SIPA1L1: variants seen among roughly 807,000 people sequenced by gnomAD.
SIPA1L1 encodes signal induced proliferation associated 1 like 1.
A neutral mutation model predicts 162.7 loss-of-function variants in SIPA1L1; 26 were observed. The observed-to-expected ratio is 0.16, with a 90% CI of 0.12 to 0.22. The LOEUF (loss-of-function observed/expected upper bound fraction) is 0.22, where lower values mean the gene tolerates loss of function less well. Ranked by LOEUF, SIPA1L1 falls within the 10% of genes least tolerant of loss-of-function variation. SIPA1L1 has a pLI of 1.00. For missense variants in SIPA1L1, 1,874 were observed against 2,241.0 expected, an observed-to-expected ratio of 0.84 and a Z score of 3.31; for synonymous variants, 829 against 837.4, an observed-to-expected ratio of 0.99 and a Z score of 0.17.
chr14:71,542,935 A>G (rs1555453631), intron 4 of SIPA1L1, among the ~76,000 whole-genome samples: 2 of 151,768 alleles, frequency 1.3e-5, no homozygotes, highest in African/African-American at 2.4e-5. Flanking sequence ...CTCAACTTTT[A>G]TGAAGTCCTA....
intron 4 of SIPA1L1, chr14:71,575,187 A>G (rs1242577157): frequency 2.0e-5 from 3 of 152,174 alleles, no homozygotes; most frequent in African/African-American, 7.2e-5. Flanking sequence ...GCTCTTAATC[A>G]TCCACCCCTT....
chr14:71,431,142 A>G (rs1035359471), intron 2 of SIPA1L1, among the ~76,000 whole-genome samples: 2 of 152,304 alleles, frequency 1.3e-5, no homozygotes, highest in South Asian at 4.1e-4. Flanking sequence ...CTACTCACAG[A>G]TCCTTGTTCT....
chr14:71,320,589 T>TTCCCTCCCGCCTCTGTGGC (rs1449411922), intron 1 of SIPA1L1, 86 bp downstream of exon 1: 5 of 151,646 alleles, frequency 3.3e-5, no homozygotes, highest in African/African-American at 4.9e-5. Flanking sequence ...AGCCACTCCA[T>TTCCCTCCCGCCTCTGTGGC]TCCCTCCCGC....
chr14:71,323,192 T>A (rs1335376193), intron 2 of SIPA1L1, among the ~76,000 whole-genome samples: 2 of 152,264 alleles, frequency 1.3e-5, no homozygotes, highest in African/African-American at 4.8e-5. Context: ...GTGAGTTTAT[T>A]GAAGTCATAG....
rs35297843 is a variant in SIPA1L1, at chr14:71,587,912, G to C, written c.40G>C (p.Ala14Pro). The C allele has an allele frequency of 3.3e-5, 54 of 1,612,088 alleles. No individual in the cohort carries two copies. In the African/African-American group the frequency reaches 6.9e-4, roughly 21 times the overall value. ...ACGGTCACAGACAGAAAGGCCTCTT[G>C]CCACTGACAGGGCCTCTGTTGTTGG... ...LKRSQTERPLATDRASVVGTD... is the reference protein window; with the variant it reads ...LKRSQTERPLPTDRASVVGTD... Residue 14 changes from alanine to proline, a missense_variant, in exon 5 of 24, where the codon GCC becomes CCC. Physicochemically the swap from Ala to Pro is conservative, Grantham distance 27. This residue lies in a region of SIPA1L1 where 685 missense variants were observed against 828.0 expected (regional missense o/e 0.83). Transcript: ENST00000381232.
chr14:71,399,129 A>T (rs570885874), intron 2 of SIPA1L1, among the ~76,000 whole-genome samples: 2 of 146,948 alleles, frequency 1.4e-5, no homozygotes, highest in Admixed American at 1.3e-4. Context: ...ACTGACCACT[A>T]TGATGCTCAT....
At chr14:71,602,780 G>A (rs2036934595) in intron 5 of SIPA1L1, among the ~76,000 whole-genome samples, 1 of 152,232 alleles carries the variant, frequency 6.6e-6, no homozygotes, top group Non-Finnish European at 1.5e-5. Flanking sequence ...CCTCTAGTCA[G>A]AACAGCGTCG....
At chr14:71,637,496 G>A (rs1405876830) in intron 7 of SIPA1L1, among the ~76,000 whole-genome samples, 1 of 152,136 alleles carries the variant, frequency 6.6e-6, no homozygotes, top group African/African-American at 2.4e-5. Flanking sequence ...TCAGGAGGCT[G>A]AGGTGGGAGG....
intron 5 of SIPA1L1, among the ~76,000 whole-genome samples, chr14:71,608,975 C>CTATAGAAATT (rs1451815362): frequency 6.6e-6 from 1 of 152,044 alleles, no homozygotes; most frequent in Non-Finnish European, 1.5e-5. Flanking sequence ...AAAATAGAAA[C>CTATAGAAATT]TATAGAAAAT....
intron 2 of SIPA1L1, among the ~76,000 whole-genome samples, chr14:71,460,011 A>G (rs764463296): frequency 3.3e-5 from 5 of 152,224 alleles, no homozygotes; most frequent in Admixed American, 6.5e-5. Context: ...CCCAAATACC[A>G]TTACATAAAG....
At chr14:71,560,652 G>A (rs1160051188) in intron 4 of SIPA1L1, among the ~76,000 whole-genome samples, 1 of 152,174 alleles carries the variant, frequency 6.6e-6, no homozygotes, top group East Asian at 1.9e-4. Context: ...AATTCCTGAT[G>A]TATCTTCTAG....
intron 13 of SIPA1L1, among the ~76,000 whole-genome samples, chr14:71,692,331 A>G (rs2081310732): frequency 6.6e-6 from 1 of 152,244 alleles, no homozygotes; most frequent in Admixed American, 6.5e-5. Flanking sequence ...TATTGCTGGT[A>G]GAGCTTTTCT....
chr14:71,675,862 C>A (rs2045111236), intron 12 of SIPA1L1, among the ~76,000 whole-genome samples: 1 of 152,096 alleles, frequency 6.6e-6, no homozygotes, highest in Non-Finnish European at 1.5e-5. Flanking sequence ...AATACAAACA[C>A]CCCCAGGATC....
chr14:71,647,841 G>A (rs890357720), intron 7 of SIPA1L1, among the ~76,000 whole-genome samples: 1 of 152,154 alleles, frequency 6.6e-6, no homozygotes, highest in South Asian at 2.1e-4. Flanking sequence ...GCCATTAGAA[G>A]CAGGCCCGCT....
intron 7 of SIPA1L1, among the ~76,000 whole-genome samples, chr14:71,630,625 A>G (rs2040472249): frequency 6.6e-6 from 1 of 152,170 alleles, no homozygotes; most frequent in Non-Finnish European, 1.5e-5. Flanking sequence ...TATAGGATTT[A>G]TCTAAACTAG....
At chr14:71,738,815 G>T (rs2085555537) in intron 23 of SIPA1L1, among the ~76,000 whole-genome samples, 1 of 152,160 alleles carries the variant, frequency 6.6e-6, no homozygotes, top group Non-Finnish European at 1.5e-5. Flanking sequence ...AGCTAATCCT[G>T]CAGGGTTGAA....
intron 4 of SIPA1L1, among the ~76,000 whole-genome samples, chr14:71,553,753 A>G (rs2056089271): frequency 6.6e-6 from 1 of 152,352 alleles, no homozygotes; most frequent in East Asian, 1.9e-4. Flanking sequence ...ACTCTACATC[A>G]TATACAATTC....
chr14:71,582,374 CTTG>C (rs1368452417), intron 4 of SIPA1L1, among the ~76,000 whole-genome samples: 1 of 152,066 alleles, frequency 6.6e-6, no homozygotes, highest in East Asian at 1.9e-4. Flanking sequence ...CACCACGTAA[CTTG>C]TTCCCGCATT....
chr14:71,622,324 C>T (rs898520601), intron 6 of SIPA1L1, among the ~76,000 whole-genome samples: 2 of 152,208 alleles, frequency 1.3e-5, no homozygotes, highest in Non-Finnish European at 2.9e-5. Flanking sequence ...CATAGGAACA[C>T]GAGGACTTAT....
Sources: gnomAD v4.1 joint callset for allele counts (sites outside exome capture counted in the v4.1 genomes callset) on GRCh38, gnomAD v4.1.1 for gene constraint, gnomAD v4.1.1 regional missense constraint, MANE v1.5 for transcripts, NCBI Gene and HGNC (gene_info 2026-07-23, HGNC 2026-07-21) for gene names.